The following PPP1R12A variants were observed in gnomAD, a reference collection of about 807,000 sequenced individuals.
The protein encoded by PPP1R12A is myosin binding subunit.
PPP1R12A carries 19 observed loss-of-function variants against 139.6 expected under a neutral mutation model. That is an observed-to-expected ratio of 0.14 (90% CI 0.09 to 0.20). The LOEUF is 0.20. Ranked by LOEUF, PPP1R12A falls within the 10% of genes least tolerant of loss-of-function variation. PPP1R12A has a pLI of 1.00. For missense variants in PPP1R12A, 925 were observed against 1,211.5 expected (o/e 0.76, Z 3.51); for synonymous variants, 427 against 420.6 (o/e 1.02, Z -0.19).
intron 2 of PPP1R12A, among the ~76,000 whole-genome samples, chr12:79,858,861 T>C (rs1397787507): frequency 6.6e-6 from 1 of 152,206 alleles, no homozygotes; most frequent in African/African-American, 2.4e-5. Context: ...CATACCTCTG[T>C]AGGCCACCAG....
chr12:79,861,072 C>A (rs1881260534), intron 2 of PPP1R12A, among the ~76,000 whole-genome samples: 1 of 152,162 alleles, frequency 6.6e-6, no homozygotes, highest in Admixed American at 6.5e-5. Flanking sequence ...TAGTAATGAG[C>A]ACTCTCAGTA....
chr12:79,896,142 T>TA lies in PPP1R12A; in HGVS notation c.238-23205dup, dbSNP rs1214287298. Among the ~76,000 whole-genome samples, 6 of 152,100 alleles carry TA rather than the reference T, an allele frequency of 3.9e-5. No individual in the cohort carries two copies. The East Asian group carries it at 1.2e-3, about 29-fold the overall frequency. On this transcript the variant is annotated intron_variant, in intron 1 of 24. Coordinates refer to ENST00000450142, the MANE Select transcript of PPP1R12A (RefSeq NM_002480.3). ...GAAGAAGGGGTTGTGACTGGCCTTA[T>TA]AAACCATGCTAGGAGGACCTAAATT... is the stretch of plus-strand genomic sequence containing the variant.
At chr12:79,932,795 A>G (rs898409371) in intron 1 of PPP1R12A, among the ~76,000 whole-genome samples, 1 of 152,212 alleles carries the variant, frequency 6.6e-6, no homozygotes, top group African/African-American at 2.4e-5. Context: ...CTAAACCAGT[A>G]TCACAATAAT....
chr12:79,866,344 G>A (rs185148764), intron 2 of PPP1R12A, among the ~76,000 whole-genome samples: 180 of 152,188 alleles, frequency 1.2e-3, no homozygotes, highest in African/African-American at 4.1e-3. Context: ...AGACTTAAAC[G>A]TAAGACCTAA....
intron 1 of PPP1R12A, among the ~76,000 whole-genome samples, chr12:79,899,229 T>TAA (rs1305091901): frequency 5.3e-5 from 7 of 131,714 alleles, no homozygotes; most frequent in South Asian, 5.0e-4. Context: ...GCAGAGATCT[T>TAA]AAAAATATAT....
In PPP1R12A at chr12:79,775,717, TAA is replaced by T. The variant is rs5799439; in HGVS notation, c.*210_*211del. ...ATTAACATGAAACAATGGTCTTGATTAAAAAAAAAAAACAAAAAACAAACCAA... is the reference window on the plus strand; with the variant it reads ...ATTAACATGAAACAATGGTCTTGATTAAAAAAAAAACAAAAAACAAACCAA... On this transcript the variant is annotated 3_prime_UTR_variant, in exon 25 of 25. Transcript: ENST00000450142. 3,238 of 249,482 alleles carry T rather than the reference TAA, an allele frequency of 0.013. No individual in the cohort carries two copies. The highest frequency in any genetic ancestry group is 0.016 in the Non-Finnish European group (2,063 of 130,178). The allele number at this position is 249,482 out of a possible 1,614,324, so 15.5% of individuals were successfully genotyped here. A position where few individuals can be genotyped will look rare whatever the true frequency, so the allele number is the denominator to read the frequency against.
chr12:79,796,872 G>T lies in PPP1R12A; in HGVS notation c.2371C>A (p.Leu791Met), dbSNP rs1872564055. 6.2e-7 allele frequency: 1 copy of T among 1,611,514 alleles called. No homozygotes were observed. The highest frequency in any genetic ancestry group is 8.5e-7 in the Non-Finnish European group (1 of 1,177,808). ...CTGTTTAGTTGACTTGAAGCATACA[G>T]TGAACTGCTCATAGTAGAAAGTGAA... ...SSSLSTMSSS[L>M]YASSQLNRPN... The change falls in exon 17 of 25, where the codon CTG becomes ATG. Residue 791 changes from leucine (L) to methionine (M), a missense_variant. Physicochemically the swap from Leu to Met is conservative, Grantham distance 15 (BLOSUM62 2). Around this residue, in one of 4 missense-constraint regions of PPP1R12A, gnomAD observed 315 missense variants for 363.4 expected, o/e 0.87. Transcript: ENST00000450142.
Position 79,795,683 on chromosome 12 carries a change from T to C in PPP1R12A, c.2538A>G (p.Pro846=). 1.2e-6 allele frequency: 2 copies of C among 1,612,586 alleles called. No homozygotes were observed. Among genetic ancestry groups the C allele is most frequent in the Non-Finnish European group, 1.7e-6 (2 of 1,179,396 alleles). Reference sequence around the variant, plus strand: ...CTCCTGTAGATCTTCTTTTCTCTCTTGGTCGTCGTCGTTCTCTGATTGATT... The same window carrying C: ...CTCCTGTAGATCTTCTTTTCTCTCTCGGTCGTCGTCGTTCTCTGATTGATT... The part of the protein sequence containing the change: ...QPKSIRERRR[P]REKRRSTGVS... Residue 846 remains proline, a synonymous_variant, in exon 18 of 25, where the codon CCA becomes CCG. Transcript: ENST00000450142.
At chr12:79,803,499 T>C (rs539052372) in intron 14 of PPP1R12A, among the ~76,000 whole-genome samples, 1 of 152,304 alleles carries the variant, frequency 6.6e-6, no homozygotes, top group South Asian at 2.1e-4. Flanking sequence ...CCAAAGGGTA[T>C]ACCTGTGTTG....
intron 9 of PPP1R12A, among the ~76,000 whole-genome samples, chr12:79,813,650 A>G (rs1874883315): frequency 6.6e-6 from 1 of 152,202 alleles, no homozygotes; most frequent in African/African-American, 2.4e-5. Context: ...AGGCTTATAT[A>G]AACTTGTTAG....
intron 9 of PPP1R12A, among the ~76,000 whole-genome samples, chr12:79,811,212 C>CTTG (rs1168195052): frequency 6.6e-6 from 1 of 152,100 alleles, no homozygotes; most frequent in Non-Finnish European, 1.5e-5. Context: ...GTTAACAGGG[C>CTTG]TTGTTAAAGC....
intron 19 of PPP1R12A, among the ~76,000 whole-genome samples, chr12:79,792,941 G>T (rs745651199): frequency 1.3e-5 from 2 of 152,102 alleles, no homozygotes; most frequent in Non-Finnish European, 2.9e-5. Flanking sequence ...ATAAAATTGT[G>T]GGGTCAAAAT....
At chr12:79,935,429 A>G (rs553422961), upstream of PPP1R12A, 11 of 990,740 alleles carry the variant, frequency 1.1e-5, no homozygotes, top group Admixed American at 6.1e-5. Flanking sequence ...CCAGCAGTGG[A>G]ACCGCAAGGC....
At chr12:79,807,611 A>T (rs1874002954) in intron 11 of PPP1R12A, among the ~76,000 whole-genome samples, 1 of 152,090 alleles carries the variant, frequency 6.6e-6, no homozygotes, top group South Asian at 2.1e-4. Context: ...ACCGCAGAAG[A>T]TCTACTTTAT....
At chr12:79,886,704 C>G (rs913368845) in intron 1 of PPP1R12A, among the ~76,000 whole-genome samples, 2 of 151,972 alleles carry the variant, frequency 1.3e-5, no homozygotes, top group Non-Finnish European at 2.9e-5. Context: ...GAAAACAATT[C>G]AAGACAAAAA....
rs115726914 is a variant in PPP1R12A, at chr12:79,929,197, T to C, written c.237+5498A>G. ...AATAGGGTCCGCACTCCTATGGGAA[T>C]CTAATGCCGCTGCTGATCTGACAAG... On this transcript the variant is annotated intron_variant, in intron 1 of 24. Coordinates refer to ENST00000450142, the MANE Select transcript of PPP1R12A (RefSeq NM_002480.3). 5.2e-3 allele frequency among the ~76,000 whole-genome samples: 789 copies of C among 152,266 alleles called. 5 individuals are homozygous for C. Among genetic ancestry groups the C allele is most frequent in the African/African-American group, 0.018 (749 of 41,560 alleles).
chr12:79,862,545 C>T (rs1427988044), intron 2 of PPP1R12A, among the ~76,000 whole-genome samples: 3 of 152,078 alleles, frequency 2.0e-5, no homozygotes, highest in Non-Finnish European at 4.4e-5. Context: ...TGTTCTAACC[C>T]ATAGCAAGAA....
chr12:79,932,161 G>C (rs902285905), intron 1 of PPP1R12A, among the ~76,000 whole-genome samples: 18 of 152,152 alleles, frequency 1.2e-4, no homozygotes, highest in African/African-American at 4.1e-4. Context: ...ACGATCTTTT[G>C]AGAGGTTAAA....
chr12:79,874,730 G>A (rs986598506), intron 1 of PPP1R12A, among the ~76,000 whole-genome samples: 2 of 152,108 alleles, frequency 1.3e-5, no homozygotes, highest in South Asian at 2.1e-4. Context: ...TCAAATGCTT[G>A]CTTTGTGCCA....
Sources: allele counts gnomAD v4.1 joint callset (sites outside exome capture counted in the v4.1 genomes callset), GRCh38; gene constraint gnomAD v4.1.1; regional missense constraint gnomAD v4.1.1; transcripts MANE v1.5; gene names NCBI Gene and HGNC (gene_info 2026-07-23, HGNC 2026-07-21).